The following RGS12 variants were observed in gnomAD, a reference collection of about 807,000 sequenced individuals.
The protein encoded by RGS12 is regulator of G-protein signaling 12.
Under a neutral mutation model 120.1 loss-of-function variants are expected in RGS12, and 66 were observed. That is an observed-to-expected ratio of 0.55 (90% CI 0.45 to 0.67). The LOEUF is 0.67. Among genes scored for constraint, RGS12 ranks in the 30% least tolerant of loss-of-function variants. RGS12 has a pLI of 0.00. For missense variants in RGS12, 1,859 were observed against 1,957.7 expected, an observed-to-expected ratio of 0.95 and a Z score of 0.95; for synonymous variants, 827 against 804.7, an observed-to-expected ratio of 1.03 and a Z score of -0.47.
intron 4 of RGS12, among the ~76,000 whole-genome samples, chr4:3,386,750 T>C (rs1718897736): frequency 6.6e-6 from 1 of 152,252 alleles, no homozygotes; most frequent in Non-Finnish European, 1.5e-5. Flanking sequence ...GTGTTTTTGC[T>C]CTTCCCTTGT....
intron 1 of RGS12, among the ~76,000 whole-genome samples, chr4:3,295,670 A>G (rs1395671138): frequency 6.6e-6 from 1 of 151,436 alleles, no homozygotes; most frequent in African/African-American, 2.4e-5. Flanking sequence ...CAAAAAAAAA[A>G]AAAAAAAAAA....
intron 9 of RGS12, among the ~76,000 whole-genome samples, chr4:3,420,052 G>A (rs970041027): frequency 8.5e-5 from 13 of 152,286 alleles, no homozygotes; most frequent in Middle Eastern, 3.4e-3. Context: ...TCCTGTGTCC[G>A]AATTTTCATG....
At chr4:3,297,343 G>T (rs535143901) in intron 1 of RGS12, among the ~76,000 whole-genome samples, 1 of 152,300 alleles carries the variant, frequency 6.6e-6, no homozygotes, top group East Asian at 1.9e-4. Context: ...CTGCCTGGCC[G>T]CAGCCCCCAG....
intron 10 of RGS12, among the ~76,000 whole-genome samples, chr4:3,420,936 CT>C (rs1203852334): frequency 1.3e-5 from 2 of 152,372 alleles, no homozygotes; most frequent in African/African-American, 4.8e-5. Context: ...CAGCCTAGGG[CT>C]CCTGAGAGGG....
chr4:3,365,504 C>T lies in RGS12; in HGVS notation c.1999-20912C>T, dbSNP rs1471809727. Among the ~76,000 whole-genome samples the T allele has an allele frequency of 2.0e-5, 3 of 152,144 alleles. 1 individual carries two copies. The highest frequency in any genetic ancestry group is 7.2e-5 in the African/African-American group (3 of 41,412). The stretch of plus-strand genomic sequence containing the variant: ...GTACTGTGATCTTGCCCATCCAGAG[C>T]TGTAAATCCCAGCAAAAACCGACGG... On this transcript the variant is annotated intron_variant, in intron 3 of 17. Transcript: ENST00000336727. The surrounding 1 kb of genome is among the most constrained non-coding windows in gnomAD (Gnocchi z 4.0).
At chr4:3,362,084 A>G (rs1415497339) in intron 3 of RGS12, among the ~76,000 whole-genome samples, 1 of 152,104 alleles carries the variant, frequency 6.6e-6, no homozygotes, top group Non-Finnish European at 1.5e-5. Flanking sequence ...TCCGCTGTGG[A>G]TGGAGCTGGG....
At chr4:3,439,412 G>T (rs761002659) in intron 17 of RGS12, 43 bp from the exon 18 acceptor site, 1 of 1,602,432 alleles carries the variant, frequency 6.2e-7, no homozygotes. Context: ...GGGGGCCCAG[G>T]GCCGGGCCAG....
At chr4:3,334,394 A>G (rs1712213618) in intron 2 of RGS12, among the ~76,000 whole-genome samples, 1 of 152,204 alleles carries the variant, frequency 6.6e-6, no homozygotes, top group Non-Finnish European at 1.5e-5. Context: ...CTAACTTATG[A>G]TCATTTTTTA....
rs756800622 is a variant in RGS12, at chr4:3,416,997, G to A, written c.2512G>A (p.Gly838Ser). ...YQECILAEVE[G>S]RALPDSQQVP... ...GGAATGCATCCTGGCGGAAGTGGAG[G>A]GCCGTGCACTCCCGGACTCGCAGCA... The change falls in exon 8 of 18, where the codon GGC (glycine) becomes AGC (serine). Residue 838 changes from glycine to serine, a missense_variant. This residue lies in a region of RGS12 where 375 missense variants were observed against 475.0 expected (regional missense o/e 0.79). Transcript: ENST00000336727. 6.2e-7 allele frequency: 1 copy of A among 1,613,364 alleles called. No homozygotes were observed. The highest frequency in any genetic ancestry group is 1.1e-5 in the South Asian group (1 of 91,074).
chr4:3,382,844 G>A (rs1446608878), intron 3 of RGS12, among the ~76,000 whole-genome samples: 1 of 152,146 alleles, frequency 6.6e-6, no homozygotes, highest in Non-Finnish European at 1.5e-5. Context: ...GACCTGCACT[G>A]TGCTCGTGTT....
In RGS12 at chr4:3,342,551, C is replaced by T. The variant is rs749131794; in HGVS notation, c.1882-386C>T. 8 of 1,296,380 alleles carry T rather than the reference C, an allele frequency of 6.2e-6. No individual in the cohort carries two copies. In the South Asian group the frequency reaches 9.9e-5, roughly 16 times the overall value. The allele number at this position is 1,296,380 out of a possible 1,614,324, so 80.3% of individuals were successfully genotyped here. Reference sequence around the variant, plus strand: ...AAAACCTGCCTTCATCTTTACTAATCATCATACTAGTCATCTTTACTCTCA... The same window carrying T: ...AAAACCTGCCTTCATCTTTACTAATTATCATACTAGTCATCTTTACTCTCA... On this transcript the variant is annotated intron_variant, in intron 2 of 17. Transcript: ENST00000336727.
intron 17 of RGS12, 101 bp downstream of exon 17, chr4:3,431,056 G>A: frequency 6.7e-7 from 1 of 1,494,998 alleles, no homozygotes. Context: ...ACTGTTTGCT[G>A]GTGGTCTCCG....
chr4:3,349,234 AT>A (rs1714124776), intron 3 of RGS12, among the ~76,000 whole-genome samples: 1 of 152,136 alleles, frequency 6.6e-6, no homozygotes, highest in African/African-American at 2.4e-5. Context: ...TATTTCGTAA[AT>A]TTATCTTTCA....
At chr4:3,348,694 T>C (rs184571792) in intron 3 of RGS12, among the ~76,000 whole-genome samples, 15 of 152,238 alleles carry the variant, frequency 9.9e-5, no homozygotes, top group African/African-American at 3.4e-4. Flanking sequence ...CGGAAAACAG[T>C]GCATCAGACC....
At chr4:3,436,133 G>A (rs1251578472) in intron 17 of RGS12, among the ~76,000 whole-genome samples, 3 of 152,260 alleles carry the variant, frequency 2.0e-5, no homozygotes, top group South Asian at 2.1e-4. Flanking sequence ...ACCTTGGGGG[G>A]GTCACACTCT....
At chr4:3,287,772 G>A in the RGS12 span, among the ~76,000 whole-genome samples, 1 of 152,104 alleles carries the variant, frequency 6.6e-6, no homozygotes, top group Admixed American at 6.5e-5. Flanking sequence ...TCCACAACAC[G>A]GGCACAGGAG....
intron 1 of RGS12, among the ~76,000 whole-genome samples, chr4:3,310,577 G>C (rs1251497249): frequency 6.6e-6 from 1 of 152,164 alleles, no homozygotes; most frequent in East Asian, 1.9e-4. Context: ...CAGGGACTTG[G>C]AGGGCCTCTC....
chr4:3,352,458 T>C (rs558292112), intron 3 of RGS12, among the ~76,000 whole-genome samples: 40 of 152,064 alleles, frequency 2.6e-4, no homozygotes, highest in Non-Finnish European at 4.7e-4. Flanking sequence ...ATTTATGTCA[T>C]CCTAAATAAC....
rs367606564 is a variant in RGS12 at position 3,303,194 on chromosome 4, G to C, written c.-102+10095G>C. On this transcript the variant is annotated intron_variant, in intron 1 of 17. Transcript: ENST00000336727. ...CAGGTGCTTGGGCAGGGATTAGGAA[G>C]TGGGGAAGGACAAAGCGCTGGCAGC... Among the ~76,000 whole-genome samples the C allele has an allele frequency of 1.4e-4, 21 of 152,222 alleles. No individual in the cohort carries two copies. The East Asian group carries it at 2.1e-3, about 15-fold the overall frequency.
Sources: allele counts gnomAD v4.1 joint callset (sites outside exome capture counted in the v4.1 genomes callset), GRCh38; gene constraint gnomAD v4.1.1; regional missense constraint gnomAD v4.1.1; non-coding constraint Gnocchi (gnomAD v3.1); transcripts MANE v1.5; gene names NCBI Gene and HGNC (gene_info 2026-07-23, HGNC 2026-07-21).